The following LRBA variants were observed in gnomAD, a reference collection of about 807,000 sequenced individuals.
LRBA encodes LPS responsive beige-like anchor protein.
LRBA carries 176 observed loss-of-function variants against 330.0 expected under a neutral mutation model. The observed-to-expected ratio is 0.53, with a 90% CI of 0.47 to 0.60. LRBA has a LOEUF of 0.60. LRBA is among the 20% of genes least tolerant of loss of function. The pLI, the probability that LRBA is intolerant of heterozygous loss-of-function variation, is 0.00. For missense variants in LRBA, 3,259 were observed against 3,444.8 expected (o/e 0.95, Z 1.35); for synonymous variants, 1,230 against 1,193.0 (o/e 1.03, Z -0.64).
rs1050814199 is a variant in LRBA at position 150,377,643 on chromosome 4, G to T, written c.7195-27484C>A. 3.3e-5 allele frequency among the ~76,000 whole-genome samples: 5 copies of T among 152,074 alleles called. No individual in the cohort carries two copies. In the South Asian group the frequency reaches 1.0e-3, roughly 32 times the overall value. ...CATGTACCCACTTAGGAGATCATAG[G>T]TCAGGTTTTATAATATACTTTATAA... is the stretch of plus-strand genomic sequence containing the variant. On this transcript the variant is annotated intron_variant, in intron 47 of 56. Coordinates refer to ENST00000651943, the MANE Select transcript of LRBA (RefSeq NM_001364905.1).
chr4:150,654,158 A>G (rs1159096414), intron 37 of LRBA, among the ~76,000 whole-genome samples: 1 of 152,156 alleles, frequency 6.6e-6, no homozygotes, highest in Non-Finnish European at 1.5e-5. Flanking sequence ...AAAATCTAGA[A>G]AACAAGGTTT....
intron 48 of LRBA, among the ~76,000 whole-genome samples, chr4:150,349,658 CAT>C (rs1450699150): frequency 5.3e-5 from 8 of 152,038 alleles, no homozygotes; most frequent in Non-Finnish European, 1.5e-5. Flanking sequence ...AATTTATGCT[CAT>C]AATCATATCT....
At chr4:150,799,897 AC>A (rs572840893) in intron 33 of LRBA, among the ~76,000 whole-genome samples, 41 of 151,978 alleles carry the variant, frequency 2.7e-4, no homozygotes, top group African/African-American at 9.7e-4. Flanking sequence ...GGCGCCCACC[AC>A]CACACTTGGC....
chr4:150,421,949 C>A (rs1179009937), intron 46 of LRBA, among the ~76,000 whole-genome samples: 1 of 152,100 alleles, frequency 6.6e-6, no homozygotes, highest in Non-Finnish European at 1.5e-5. Flanking sequence ...AACCAAAGTT[C>A]CAGAACAAAA....
chr4:150,265,965 A>G (rs952404317), intron 56 of LRBA, among the ~76,000 whole-genome samples, 153 bp from the exon 57 acceptor site: 1 of 152,212 alleles, frequency 6.6e-6, no homozygotes, highest in African/African-American at 2.4e-5. Flanking sequence ...CATGACTAAA[A>G]TGTATCCCTG....
intron 47 of LRBA, among the ~76,000 whole-genome samples, chr4:150,411,255 T>C (rs890329640): frequency 6.6e-6 from 1 of 152,202 alleles, no homozygotes. Flanking sequence ...TTTCCAATCC[T>C]ACATTTAGAT....
At chr4:150,766,809 C>T (rs1031455558) in intron 34 of LRBA, among the ~76,000 whole-genome samples, 3 of 152,080 alleles carry the variant, frequency 2.0e-5, no homozygotes, top group African/African-American at 7.2e-5. Context: ...ACTAATGCAA[C>T]TAAGTAATTT....
chr4:150,438,379 A>G (rs1309067340), intron 44 of LRBA, among the ~76,000 whole-genome samples: 2 of 152,128 alleles, frequency 1.3e-5, no homozygotes, highest in African/African-American at 4.8e-5. Context: ...GCTACTCGGG[A>G]GGCTGAGGTA....
At chr4:150,965,240 A>G (rs1316858496) in intron 2 of LRBA, among the ~76,000 whole-genome samples, 2 of 152,220 alleles carry the variant, frequency 1.3e-5, no homozygotes, top group Non-Finnish European at 2.9e-5. Flanking sequence ...CCCAGTAAAC[A>G]GGGGTCAAGA....
chr4:150,985,146 C>T (rs2149612700), intron 2 of LRBA, among the ~76,000 whole-genome samples: 1 of 151,788 alleles, frequency 6.6e-6, no homozygotes, highest in Admixed American at 6.6e-5. Flanking sequence ...GTAATCCCAG[C>T]TACTCGAGAA....
chr4:150,536,751 T>C (rs972250714), intron 40 of LRBA, among the ~76,000 whole-genome samples: 2 of 152,270 alleles, frequency 1.3e-5, no homozygotes, highest in South Asian at 2.1e-4. Context: ...CCATTTATAA[T>C]AGACACACAC....
chr4:151,009,744 G>T (rs1029602896), intron 2 of LRBA, among the ~76,000 whole-genome samples: 2 of 152,056 alleles, frequency 1.3e-5, no homozygotes, highest in East Asian at 3.9e-4. Flanking sequence ...ACTTTGAGAG[G>T]CCAGGGCGGG....
At chr4:150,930,012 T>C (rs1188308923) in intron 2 of LRBA, among the ~76,000 whole-genome samples, 1 of 151,882 alleles carries the variant, frequency 6.6e-6, no homozygotes, top group Non-Finnish European at 1.5e-5. Context: ...TAGAAGAAAG[T>C]GAACTTTAAA....
intron 35 of LRBA, among the ~76,000 whole-genome samples, chr4:150,739,668 A>G (rs1731680281): frequency 1.3e-5 from 2 of 152,038 alleles, no homozygotes; most frequent in African/African-American, 2.4e-5. Flanking sequence ...TTGCTAGCAG[A>G]CTCTATTGAC....
intron 49 of LRBA, among the ~76,000 whole-genome samples, chr4:150,324,360 A>T (rs1237336332): frequency 1.3e-5 from 2 of 152,178 alleles, no homozygotes; most frequent in African/African-American, 4.8e-5. Context: ...TTCTTGCTAA[A>T]TGTTTGCTAT....
chr4:150,286,293 C>A (rs1484872380), intron 53 of LRBA, among the ~76,000 whole-genome samples: 1 of 152,190 alleles, frequency 6.6e-6, no homozygotes, highest in Non-Finnish European at 1.5e-5. Context: ...ACAACAAAAT[C>A]TGCATTCCAA....
chr4:150,291,569 A>G (rs1328365399), intron 53 of LRBA, among the ~76,000 whole-genome samples: 2 of 65,582 alleles, frequency 3.0e-5, no homozygotes, highest in African/African-American at 5.5e-5. Context: ...AAAGTCAGGA[A>G]ACAACAGGTG....
chr4:150,803,109 C>CACAT (rs1553964883), intron 33 of LRBA, among the ~76,000 whole-genome samples: 162 of 144,008 alleles, frequency 1.1e-3, no homozygotes, highest in African/African-American at 3.7e-3. Context: ...CACACACACA[C>CACAT]ATATATACAC....
chr4:150,863,259 C>G (rs923406493), intron 22 of LRBA, among the ~76,000 whole-genome samples: 33 of 152,210 alleles, frequency 2.2e-4, no homozygotes, highest in African/African-American at 7.5e-4. Flanking sequence ...GAGCACACCA[C>G]TACACTTCAC....
Sources: allele counts gnomAD v4.1 joint callset (sites outside exome capture counted in the v4.1 genomes callset), GRCh38; gene constraint gnomAD v4.1.1; transcripts MANE v1.5; gene names NCBI Gene and HGNC (gene_info 2026-07-23, HGNC 2026-07-21).